Variants in ZNF704 observed in about 807,000 individuals in gnomAD.
ZNF704 encodes the protein zinc finger protein 704, also known as glucocorticoid induced gene 1.
Under a neutral mutation model 44.7 loss-of-function variants are expected in ZNF704, and 10 were observed. That is an observed-to-expected ratio of 0.22 (90% CI 0.14 to 0.38). ZNF704 has a LOEUF of 0.38. Ranked by LOEUF, ZNF704 falls within the 10% of genes least tolerant of loss-of-function variation. The pLI is 1.00. For missense variants in ZNF704, 390 were observed against 545.5 expected (o/e 0.71, Z 2.84); for synonymous variants, 211 against 207.6 (o/e 1.02, Z -0.14).
In ZNF704 at chr8:80,630,008, G is replaced by A. The variant is rs1817558369; in HGVS notation, c.*11358C>T. The A allele has an allele frequency of 6.6e-6, 1 of 152,116 alleles. No individual in the cohort carries two copies. The highest frequency in any genetic ancestry group is 6.5e-5 in the Admixed American group (1 of 15,286). 9.4% of individuals were successfully genotyped at this position (152,116 alleles called of 1,614,324 possible). On this transcript the variant is annotated 3_prime_UTR_variant, in exon 9 of 9. Coordinates refer to ENST00000327835, the MANE Select transcript of ZNF704 (RefSeq NM_001033723.3). ...GAATTTTTTAGAGCCTGATGTTTCA[G>A]AATAAAGTTTCAATCTTTAAAAACA...
chr8:80,670,660 TTA>T, intron 4 of ZNF704, 57 bp from the exon 5 acceptor site: 2 of 1,243,784 alleles, frequency 1.6e-6, no homozygotes, highest in Non-Finnish European at 2.4e-6. Context: ...AACATTTTCT[TTA>T]TGTCATCCCA....
At chr8:80,669,930 T>C (rs553257419) in intron 5 of ZNF704, among the ~76,000 whole-genome samples, 1 of 152,344 alleles carries the variant, frequency 6.6e-6, no homozygotes, top group Non-Finnish European at 1.5e-5. Context: ...TACAAATAAA[T>C]GGCTTATCTG....
intron 1 of ZNF704, among the ~76,000 whole-genome samples, chr8:80,854,050 C>T (rs978870738): frequency 5.3e-5 from 8 of 152,182 alleles, no homozygotes; most frequent in African/African-American, 1.9e-4. Context: ...TCTTGAACTA[C>T]TCATTTACCC....
intron 2 of ZNF704, among the ~76,000 whole-genome samples, chr8:80,793,262 G>C (rs1406463007): frequency 6.6e-6 from 1 of 152,152 alleles, no homozygotes; most frequent in Non-Finnish European, 1.5e-5. Context: ...GAACACGGGA[G>C]AAAAAGTGCG....
At chr8:80,712,929 CTT>C (rs909782161) in intron 2 of ZNF704, among the ~76,000 whole-genome samples, 6 of 151,680 alleles carry the variant, frequency 4.0e-5, no homozygotes, top group East Asian at 2.0e-4. Context: ...GAATTTTGCT[CTT>C]GTTACCCAGG....
At position 80,665,206 on chromosome 8, in the gene ZNF704, T is replaced by C. The variant is rs531333148; in HGVS notation, c.660-124A>G. The C allele has an allele frequency of 8.7e-6, 9 of 1,028,602 alleles. No individual in the cohort carries two copies. In the East Asian group the frequency reaches 2.1e-4, roughly 24 times the overall value. The allele number at this position is 1,028,602 out of a possible 1,614,324, so 63.7% of individuals were successfully genotyped here. On this transcript the variant is annotated intron_variant, in intron 5 of 8. Coordinates refer to ENST00000327835, the MANE Select transcript of ZNF704 (RefSeq NM_001033723.3). The stretch of plus-strand genomic sequence containing the variant: ...TCCCTCTTGTTTGCCTTGCAAACTC[T>C]TCCTTATCCTGCAGCACTCAGTTCA...
chr8:80,679,781 G>A (rs1232122051), intron 4 of ZNF704, among the ~76,000 whole-genome samples: 6 of 152,324 alleles, frequency 3.9e-5, no homozygotes, highest in African/African-American at 1.4e-4. Context: ...ACAGGCCCAG[G>A]AGGAGCTGAA....
intron 1 of ZNF704, among the ~76,000 whole-genome samples, chr8:80,857,907 C>T (rs909278757): frequency 2.0e-5 from 3 of 150,310 alleles, no homozygotes; most frequent in African/African-American, 7.3e-5. Context: ...TATTTTTTTC[C>T]CCTCAAATCA....
intron 1 of ZNF704, among the ~76,000 whole-genome samples, chr8:80,825,368 A>G (rs999333980): frequency 6.6e-6 from 1 of 151,772 alleles, no homozygotes; most frequent in Non-Finnish European, 1.5e-5. Context: ...TTCAACAAGA[A>G]GAGCTAACTA....
chr8:80,843,717 G>T (rs572843149), intron 1 of ZNF704, among the ~76,000 whole-genome samples: 1 of 152,094 alleles, frequency 6.6e-6, no homozygotes, highest in East Asian at 1.9e-4. Flanking sequence ...CTTCATAAAG[G>T]AGGTTGTATG....
Position 80,664,998 on chromosome 8 carries a change from G to C in ZNF704, c.744C>G (p.Asp248Glu). ...AGACCGGGGCCAGGCTGCTCAGCCC[G>C]TCTGCCACTGAGTCTGTGTTGAGCT... ...EIKLNTDSVA[D>E]GLSSLAPVSP... Residue 248 changes from aspartate (D) to glutamate (E), a missense_variant, in exon 6 of 9, where the codon GAC (aspartate) becomes GAG (glutamate). Physicochemically the swap from Asp to Glu is conservative, Grantham distance 45 (BLOSUM62 2). This residue lies in a region of ZNF704 where 305 missense variants were observed against 435.7 expected (regional missense o/e 0.70). Coordinates refer to ENST00000327835, the MANE Select transcript of ZNF704 (RefSeq NM_001033723.3). 6.2e-7 allele frequency: 1 copy of C among 1,614,216 alleles called. No individual in the cohort carries two copies. The highest frequency in any genetic ancestry group is 8.5e-7 in the Non-Finnish European group (1 of 1,180,028).
Position 80,846,066 on chromosome 8 carries a change from C to T in ZNF704, c.-21-24451G>A, listed in dbSNP as rs183352684. 3.9e-5 allele frequency among the ~76,000 whole-genome samples: 6 copies of T among 152,224 alleles called. No homozygotes were observed. In the East Asian group the frequency reaches 9.6e-4, roughly 24 times the overall value. ...ACATTCAAGATTTTGAAGAACGAATCACTCAACTATCTTGGATTTTTATGA... is the reference window on the plus strand; with the variant it reads ...ACATTCAAGATTTTGAAGAACGAATTACTCAACTATCTTGGATTTTTATGA... On this transcript the variant is annotated intron_variant, in intron 1 of 8. Coordinates refer to ENST00000327835, the MANE Select transcript of ZNF704 (RefSeq NM_001033723.3).
intron 2 of ZNF704, among the ~76,000 whole-genome samples, chr8:80,778,896 A>C (rs1807463213): frequency 6.6e-6 from 1 of 152,110 alleles, no homozygotes; most frequent in South Asian, 2.1e-4. Context: ...AGAAAAGATA[A>C]CTATTGAGTA....
At chr8:80,785,485 T>C (rs1238401699) in intron 2 of ZNF704, among the ~76,000 whole-genome samples, 1 of 152,242 alleles carries the variant, frequency 6.6e-6, no homozygotes, top group Non-Finnish European at 1.5e-5. Context: ...TATTTGGGAT[T>C]CTTCTGCAAG....
At chr8:80,849,027 AAGAT>A (rs775074875) in intron 1 of ZNF704, among the ~76,000 whole-genome samples, 1 of 152,224 alleles carries the variant, frequency 6.6e-6, no homozygotes, top group Admixed American at 6.5e-5. Flanking sequence ...AGGGATTAAA[AAGAT>A]AGATACCTTT....
intron 5 of ZNF704, among the ~76,000 whole-genome samples, chr8:80,669,426 G>C (rs1818245487): frequency 6.6e-6 from 1 of 152,142 alleles, no homozygotes; most frequent in Admixed American, 6.5e-5. Flanking sequence ...CCTATCTCCA[G>C]TGCTCTCCAG....
Position 80,639,879 on chromosome 8 carries a change from T to G in ZNF704, c.*1487A>C, listed in dbSNP as rs573141172. On this transcript the variant is annotated 3_prime_UTR_variant, in exon 9 of 9. Transcript: ENST00000327835. The stretch of plus-strand genomic sequence containing the variant: ...TCCCTATACAGTGCCTCCTATAAGG[T>G]GCTCTTCCTACTTTGCATAGGTATA... 1 of 152,786 alleles carries G rather than the reference T, an allele frequency of 6.5e-6. No individual in the cohort carries two copies. Among genetic ancestry groups the G allele is most frequent in the African/African-American group, 2.4e-5 (1 of 41,584 alleles). The allele number at this position is 152,786 out of a possible 1,614,324, so 9.5% of individuals were successfully genotyped here.
At position 80,826,242 on chromosome 8, in the gene ZNF704, A is replaced by G. The variant is rs563623929; in HGVS notation, c.-21-4627T>C. Among the ~76,000 whole-genome samples the G allele has an allele frequency of 2.4e-3, 358 of 152,190 alleles. 2 individuals carry two copies. The highest frequency in any genetic ancestry group is 8.0e-3 in the African/African-American group (333 of 41,518). On this transcript the variant is annotated intron_variant, in intron 1 of 8. Transcript: ENST00000327835. ...TAGACACAATAAAAAATCATAAAGG[A>G]GATATCACCACCGATCCCACAGAAA...
chr8:80,765,199 C>T (rs1016267906), intron 2 of ZNF704, among the ~76,000 whole-genome samples: 1 of 152,156 alleles, frequency 6.6e-6, no homozygotes, highest in Non-Finnish European at 1.5e-5. Context: ...CTGGCCATGA[C>T]AACAGGAGAA....
Sources: gnomAD v4.1 joint callset for allele counts (sites outside exome capture counted in the v4.1 genomes callset) on GRCh38, gnomAD v4.1.1 for gene constraint, gnomAD v4.1.1 regional missense constraint, MANE v1.5 for transcripts, NCBI Gene and HGNC (gene_info 2026-07-23, HGNC 2026-07-21) for gene names.